KIF5C: variants seen among roughly 807,000 people sequenced by gnomAD.
KIF5C encodes the protein kinesin family member 5C.
A neutral mutation model predicts 125.2 loss-of-function variants in KIF5C; 18 were observed. The ratio of observed to expected loss-of-function variants is 0.14; its 90% CI spans 0.10 to 0.21. The LOEUF is 0.21. KIF5C is among the 10% of genes least tolerant of loss of function. The pLI, the probability that KIF5C is intolerant of heterozygous loss-of-function variation, is 1.00. For synonymous variants in KIF5C, 405 were observed against 434.0 expected, an observed-to-expected ratio of 0.93 and a Z score of 0.83; for missense variants, 780 against 1,183.8, an observed-to-expected ratio of 0.66 and a Z score of 5.01.
At chr2:149,005,305 G>A (rs1681974499) in intron 21 of KIF5C, 88 bp from the exon 22 acceptor site, 2 of 1,555,264 alleles carry the variant, frequency 1.3e-6, no homozygotes, top group South Asian at 2.4e-5. Flanking sequence ...GGCAGGCTTG[G>A]GAAGTGTCGG....
At chr2:148,936,366 GTGTT>G (rs1290524227) in intron 3 of KIF5C, among the ~76,000 whole-genome samples, 1 of 152,212 alleles carries the variant, frequency 6.6e-6, no homozygotes, top group Non-Finnish European at 1.5e-5. Context: ...TGCAGACTGT[GTGTT>G]TGTTCACTGA....
intron 11 of KIF5C, among the ~76,000 whole-genome samples, chr2:148,972,999 C>T (rs1423001825): frequency 6.6e-6 from 1 of 152,132 alleles, no homozygotes; most frequent in African/African-American, 2.4e-5. Context: ...GAGAATATGA[C>T]TCTAGTAAAG....
chr2:148,981,955 T>G, intron 14 of KIF5C, among the ~76,000 whole-genome samples: 1 of 152,366 alleles, frequency 6.6e-6, no homozygotes, highest in South Asian at 2.1e-4. Context: ...GATCATATGC[T>G]GCTTGCATGG....
chr2:149,001,106 G>A (rs1318132203), intron 21 of KIF5C, among the ~76,000 whole-genome samples: 1 of 152,164 alleles, frequency 6.6e-6, no homozygotes, highest in Admixed American at 6.5e-5. Flanking sequence ...TCTCCTAACG[G>A]CTGGCATTCT....
chr2:149,000,731 C>A lies in KIF5C; in HGVS notation c.2322C>A (p.Asn774Lys). The change falls in exon 21 of 26, where the codon AAC becomes AAA. Residue 774 changes from asparagine to lysine, a missense_variant. Transcript: ENST00000435030. ...EMKLEKLLLL[N>K]DKREQAREDL... is the part of the protein sequence containing the mutation. ...CCTTTTTGTTTTTCAGATTGCTCAA[C>A]GATAAAAGGGAACAAGCCAGAGAAG... 6.2e-7 allele frequency: 1 copy of A among 1,613,720 alleles called. No individual in the cohort carries two copies. Among genetic ancestry groups the A allele is most frequent in the Non-Finnish European group, 8.5e-7 (1 of 1,179,832 alleles).
chr2:148,950,566 T>C, intron 10 of KIF5C, 104 bp downstream of exon 10: 1 of 1,413,728 alleles, frequency 7.1e-7, no homozygotes, highest in Middle Eastern at 2.5e-4. Context: ...CCCAGCACTT[T>C]GGGAGGCCAA....
chr2:148,882,699 ACT>A (rs1435728581), intron 1 of KIF5C, among the ~76,000 whole-genome samples: 1 of 151,566 alleles, frequency 6.6e-6, no homozygotes, highest in African/African-American at 2.4e-5. Flanking sequence ...TCGCCTTTAG[ACT>A]CTCAGCCCAC....
At chr2:148,947,954 C>T (rs1487742639) in intron 8 of KIF5C, 1 of 456,744 alleles carries the variant, frequency 2.2e-6, no homozygotes, top group South Asian at 1.5e-5. Context: ...TGGCCACTTA[C>T]ATCCACGTGA....
At chr2:148,913,463 A>G (rs895189218) in intron 1 of KIF5C, among the ~76,000 whole-genome samples, 1 of 152,242 alleles carries the variant, frequency 6.6e-6, no homozygotes, top group African/African-American at 2.4e-5. Context: ...TAATTATGTA[A>G]GCTGTTTCTG....
intron 1 of KIF5C, among the ~76,000 whole-genome samples, chr2:148,902,215 G>A (rs558965304): frequency 1.3e-5 from 2 of 152,282 alleles, no homozygotes; most frequent in East Asian, 1.9e-4. Context: ...AGTGCCCCTC[G>A]TGTTCCTGGA....
At chr2:148,993,249 C>G (rs1244525610) in intron 16 of KIF5C, among the ~76,000 whole-genome samples, 1 of 152,098 alleles carries the variant, frequency 6.6e-6, no homozygotes, top group Non-Finnish European at 1.5e-5. Flanking sequence ...GTGGGGTGCT[C>G]TGAATCGTCC....
intron 25 of KIF5C, among the ~76,000 whole-genome samples, chr2:149,018,226 C>T (rs1029066792): frequency 2.6e-5 from 4 of 152,086 alleles, no homozygotes; most frequent in Non-Finnish European, 5.9e-5. Context: ...GAGTTTGAGG[C>T]TGCAGTGAGC....
At chr2:148,979,018 C>T in intron 13 of KIF5C, 28 bp downstream of exon 13, 2 of 1,532,662 alleles carry the variant, frequency 1.3e-6, no homozygotes, top group East Asian at 2.4e-5. Flanking sequence ...TTTTTTTTTC[C>T]ACAAAGTTCT....
chr2:148,961,896 A>G (rs1481821778), intron 10 of KIF5C, 75 bp from the exon 11 acceptor site: 3 of 1,528,664 alleles, frequency 2.0e-6, no homozygotes, highest in Non-Finnish European at 2.6e-6. Flanking sequence ...GACATGAGGA[A>G]TCTTGGGCTT....
Position 148,991,122 on chromosome 2 carries a change from G to A in KIF5C, c.1829G>A (p.Ser610Asn), listed in dbSNP as rs755734035. 4 of 1,613,874 alleles carry A rather than the reference G, an allele frequency of 2.5e-6. No individual in the cohort carries two copies. The highest frequency in any genetic ancestry group is 2.7e-5 in the African/African-American group (2 of 74,934). Residue 610 changes from serine (S) to asparagine (N), a missense_variant, in exon 16 of 26, where the codon AGC becomes AAC. Around this residue, in one of 2 missense-constraint regions of KIF5C, gnomAD observed 573 missense variants for 742.6 expected, o/e 0.77. Coordinates refer to ENST00000435030, the MANE Select transcript of KIF5C (RefSeq NM_004522.3). ...SLVNRSKQLE[S>N]AQMDSNRKMN... ...GTGAACCGCAGCAAACAGCTCGAGA[G>A]CGCCCAGATGGACTCCAACAGGAAG...
chr2:148,885,057 G>C (rs1335345207), intron 1 of KIF5C, among the ~76,000 whole-genome samples: 2 of 147,824 alleles, frequency 1.4e-5, no homozygotes, highest in Admixed American at 6.9e-5. Context: ...TGCAACCTCC[G>C]CCTCCACTCA....
chr2:148,883,981 T>A (rs1681442746), intron 1 of KIF5C: 1 of 152,184 alleles, frequency 6.6e-6, no homozygotes, highest in Non-Finnish European at 1.5e-5. Flanking sequence ...TAGCAAATTG[T>A]CTTCTGTTTT....
chr2:148,880,474 G>C (rs1295653986), intron 1 of KIF5C, among the ~76,000 whole-genome samples: 4 of 152,170 alleles, frequency 2.6e-5, no homozygotes, highest in African/African-American at 9.7e-5. Flanking sequence ...TTTGCATATA[G>C]GTTCTGTGTG....
chr2:149,006,299 G>A (rs1333900578), intron 22 of KIF5C, among the ~76,000 whole-genome samples: 1 of 152,198 alleles, frequency 6.6e-6, no homozygotes, highest in Non-Finnish European at 1.5e-5. Context: ...CTGAGAGGGA[G>A]AGGGTTAATA....
Sources: allele counts gnomAD v4.1 joint callset (sites outside exome capture counted in the v4.1 genomes callset), GRCh38; gene constraint gnomAD v4.1.1; regional missense constraint gnomAD v4.1.1; transcripts MANE v1.5; gene names NCBI Gene and HGNC (gene_info 2026-07-23, HGNC 2026-07-21).